Variants in PRKG1 observed in about 807,000 individuals in gnomAD.
PRKG1 encodes cGMP-dependent protein kinase 1.
PRKG1 carries 35 observed loss-of-function variants against 88.1 expected under a neutral mutation model. The ratio of observed to expected loss-of-function variants is 0.40; its 90% CI spans 0.30 to 0.53. PRKG1 has a LOEUF of 0.53. Ranked by LOEUF, PRKG1 falls within the 20% of genes least tolerant of loss-of-function variation. PRKG1 has a pLI of 0.59. For missense variants in PRKG1, 540 were observed against 839.8 expected, an observed-to-expected ratio of 0.64 and a Z score of 4.41; for synonymous variants, 303 against 292.5, an observed-to-expected ratio of 1.04 and a Z score of -0.37.
chr10:52,091,431 A>T (rs957977027), intron 7 of PRKG1, among the ~76,000 whole-genome samples: 7 of 152,208 alleles, frequency 4.6e-5, no homozygotes, highest in Non-Finnish European at 8.8e-5. Flanking sequence ...GGGATGTTGC[A>T]TCAAACTCAT....
At chr10:51,009,804 G>A (rs1842973097) in intron 1 of PRKG1, among the ~76,000 whole-genome samples, 1 of 152,184 alleles carries the variant, frequency 6.6e-6, no homozygotes, top group Non-Finnish European at 1.5e-5. Flanking sequence ...ATTTGACAAT[G>A]CATTGTTCAA....
At chr10:52,149,559 A>T (rs1837842422) in intron 8 of PRKG1, among the ~76,000 whole-genome samples, 1 of 152,098 alleles carries the variant, frequency 6.6e-6, no homozygotes, top group African/African-American at 2.4e-5. Context: ...CCAGGAAAAG[A>T]CACCAACAGG....
At chr10:51,376,439 CTTGGTCTTATTCTCCTGAGCAGT>C (rs1203356566) in intron 2 of PRKG1, among the ~76,000 whole-genome samples, 1 of 152,120 alleles carries the variant, frequency 6.6e-6, no homozygotes, top group Non-Finnish European at 1.5e-5. Flanking sequence ...ATCAAAAATA[CTTGGTCTTATTCTCCTGAGCAGT>C]TTGGTTATTT....
At chr10:51,115,836 G>GAAAAAAAAAAA (rs548541486) in intron 1 of PRKG1, among the ~76,000 whole-genome samples, 1 of 131,314 alleles carries the variant, frequency 7.6e-6, no homozygotes, top group Non-Finnish European at 1.6e-5. Flanking sequence ...ACTCCATCTC[G>GAAAAAAAAAAA]AAAAAAAAAA....
chr10:51,318,674 AAAG>A (rs1290008601), intron 2 of PRKG1, among the ~76,000 whole-genome samples: 1 of 152,198 alleles, frequency 6.6e-6, no homozygotes, highest in Non-Finnish European at 1.5e-5. Context: ...AGGGGGATTT[AAAG>A]ATTACTTTCA....
chr10:51,870,409 T>G (rs892251588), intron 4 of PRKG1, among the ~76,000 whole-genome samples: 1 of 147,792 alleles, frequency 6.8e-6, no homozygotes, highest in Non-Finnish European at 1.5e-5. Flanking sequence ...TCCTCTTCCT[T>G]TCACCGTCCA....
chr10:51,784,599 G>C (rs977359150), intron 3 of PRKG1, among the ~76,000 whole-genome samples: 1 of 152,128 alleles, frequency 6.6e-6, no homozygotes, highest in African/African-American at 2.4e-5. Flanking sequence ...ATCCTGAAAT[G>C]ATTGTCACTT....
At chr10:52,123,357 T>G (rs1847863743) in intron 7 of PRKG1, among the ~76,000 whole-genome samples, 2 of 152,116 alleles carry the variant, frequency 1.3e-5, no homozygotes, top group Admixed American at 1.3e-4. Context: ...TGGAGTTGGT[T>G]TTTGGACAGC....
intron 4 of PRKG1, among the ~76,000 whole-genome samples, chr10:51,859,019 C>A (rs542303228): frequency 6.6e-6 from 1 of 152,106 alleles, no homozygotes; most frequent in Non-Finnish European, 1.5e-5. Context: ...CCAAAGTGGC[C>A]TGCTCGATAG....
In PRKG1 at chr10:51,647,373, T is replaced by C. The variant is rs1000868586; in HGVS notation, c.593-157212T>C. Among the ~76,000 whole-genome samples, 3 of 152,210 alleles carry C rather than the reference T, an allele frequency of 2.0e-5. No homozygotes were observed. In the East Asian group the frequency reaches 5.8e-4, roughly 29 times the overall value. ...CATTTCATGGAGGTTTGTAAGGACC[T>C]AATTCAGTATTTGAACTTGCCTAAC... On this transcript the variant is annotated intron_variant, in intron 3 of 17. Transcript: ENST00000373980.
At chr10:52,043,995 A>C (rs17560636) in intron 5 of PRKG1, among the ~76,000 whole-genome samples, 37,396 of 151,514 alleles carry the variant, frequency 0.25, 4,898 homozygotes, top group South Asian at 0.32. Flanking sequence ...CAGGGTAAGG[A>C]TTCAGATAGT....
Position 52,133,884 on chromosome 10 carries a change from C to T in PRKG1, c.980C>T (p.Thr327Ile), listed in dbSNP as rs138485549. Residue 327 changes from threonine (T) to isoleucine (I), a missense_variant, in exon 8 of 18, where the codon ACC becomes ATC. Thr to Ile is a moderately conservative substitution (Grantham distance 89). Coordinates refer to ENST00000373980, the MANE Select transcript of PRKG1 (RefSeq NM_006258.4). ...TANVIAAEAV[T>I]CLVIDRDSFK... ...AACGTAATTGCTGCAGAAGCTGTAACCTGCCTTGTGATTGACAGAGAGTAA... is the reference window on the plus strand; with the variant it reads ...AACGTAATTGCTGCAGAAGCTGTAATCTGCCTTGTGATTGACAGAGAGTAA... 2.5e-6 allele frequency: 4 copies of T among 1,613,024 alleles called. No homozygotes were observed. Among genetic ancestry groups the T allele is most frequent in the Non-Finnish European group, 3.4e-6 (4 of 1,179,296 alleles).
intron 3 of PRKG1, among the ~76,000 whole-genome samples, chr10:51,479,119 T>C (rs572762838): frequency 2.0e-5 from 3 of 152,086 alleles, no homozygotes; most frequent in African/African-American, 7.2e-5. Flanking sequence ...GCTTTCTTTT[T>C]TTTTCAATCA....
intron 2 of PRKG1, among the ~76,000 whole-genome samples, chr10:51,173,525 A>G (rs1034559832): frequency 4.0e-5 from 6 of 151,874 alleles, no homozygotes; most frequent in Non-Finnish European, 7.4e-5. Flanking sequence ...ATGTGGAAGT[A>G]TATGTCATTA....
At chr10:51,718,453 A>G (rs544296669) in intron 3 of PRKG1, among the ~76,000 whole-genome samples, 20 of 152,276 alleles carry the variant, frequency 1.3e-4, no homozygotes, top group African/African-American at 3.6e-4. Flanking sequence ...GGTGCATTAG[A>G]TAGGCTTTGT....
chr10:51,071,322 A>AT, upstream of PRKG1, among the ~76,000 whole-genome samples: 1 of 152,176 alleles, frequency 6.6e-6, no homozygotes, highest in Non-Finnish European at 1.5e-5. Flanking sequence ...TAAAATATTT[A>AT]TTTTTACTTT....
chr10:52,020,628 G>A lies in PRKG1; in HGVS notation c.763-33856G>A, dbSNP rs149656556. Among the ~76,000 whole-genome samples, 81 of 152,222 alleles carry A rather than the reference G, an allele frequency of 5.3e-4. 2 individuals are homozygous for A. In the East Asian group the frequency reaches 0.014, roughly 27 times the overall value. ...TAACCTTGATCCTAGGACTTTATGG[G>A]CTGGCCCCTTTCCCATGATTCTTCC... On this transcript the variant is annotated intron_variant, in intron 5 of 17. Coordinates refer to ENST00000373980, the MANE Select transcript of PRKG1 (RefSeq NM_006258.4).
intron 1 of PRKG1, among the ~76,000 whole-genome samples, chr10:51,069,075 C>T (rs980918837): frequency 1.3e-5 from 2 of 151,694 alleles, no homozygotes; most frequent in African/African-American, 4.8e-5. Flanking sequence ...TAGCCTGAGA[C>T]CCAATAATAA....
chr10:51,866,944 T>TA (rs1589372267), intron 4 of PRKG1, among the ~76,000 whole-genome samples: 1 of 152,106 alleles, frequency 6.6e-6, no homozygotes, highest in East Asian at 1.9e-4. Context: ...GACAATTACT[T>TA]TAGAGTTTCA....
Sources: allele counts gnomAD v4.1 joint callset (sites outside exome capture counted in the v4.1 genomes callset), GRCh38; gene constraint gnomAD v4.1.1; transcripts MANE v1.5; gene names NCBI Gene and HGNC (gene_info 2026-07-23, HGNC 2026-07-21).